SKAP2: variants seen among roughly 807,000 people sequenced by gnomAD.
The protein encoded by SKAP2 is src kinase associated phosphoprotein 2.
A neutral mutation model predicts 54.9 loss-of-function variants in SKAP2; 28 were observed. The observed-to-expected ratio is 0.51, with a 90% CI of 0.38 to 0.70. The LOEUF is 0.70. Among genes scored for constraint, SKAP2 ranks in the 30% least tolerant of loss-of-function variants. The pLI is 0.00. For missense variants in SKAP2, 356 were observed against 424.1 expected, an observed-to-expected ratio of 0.84 and a Z score of 1.41; for synonymous variants, 137 against 134.3, an observed-to-expected ratio of 1.02 and a Z score of -0.14.
At chr7:26,801,009 C>T (rs1783901001) in intron 4 of SKAP2, among the ~76,000 whole-genome samples, 1 of 151,810 alleles carries the variant, frequency 6.6e-6, no homozygotes, top group Admixed American at 6.6e-5. Flanking sequence ...GCCAGTATTA[C>T]TGATACCAAA....
At chr7:26,660,875 A>C in the SKAP2 span, among the ~76,000 whole-genome samples, 1 of 152,074 alleles carries the variant, frequency 6.6e-6, no homozygotes, top group African/African-American at 2.4e-5. Flanking sequence ...AGAAGTGCTA[A>C]GAATTAACTC....
chr7:26,773,818 T>C (rs181120298), intron 4 of SKAP2, among the ~76,000 whole-genome samples: 49 of 152,228 alleles, frequency 3.2e-4, no homozygotes, highest in Non-Finnish European at 6.0e-4. Context: ...ACAATAACCA[T>C]AAATATTATA....
chr7:26,844,703 C>T (rs1303745125), intron 3 of SKAP2, among the ~76,000 whole-genome samples: 1 of 152,054 alleles, frequency 6.6e-6, no homozygotes, highest in Non-Finnish European at 1.5e-5. Context: ...TTCCAGAGCA[C>T]AAATCTTTTA....
At chr7:26,771,904 T>C (rs1783198107) in intron 4 of SKAP2, among the ~76,000 whole-genome samples, 1 of 152,190 alleles carries the variant, frequency 6.6e-6, no homozygotes, top group South Asian at 2.1e-4. Flanking sequence ...GGTTTGGACA[T>C]AGGCAGGTAT....
chr7:26,864,211 CT>C (rs1483796363), intron 1 of SKAP2, 151 bp downstream of exon 1: 1 of 865,382 alleles, frequency 1.2e-6, no homozygotes, highest in Non-Finnish European at 1.8e-6. Context: ...AAAACAACCC[CT>C]CTCCTCTCCT....
At chr7:26,812,477 C>CA (rs986277817) in intron 4 of SKAP2, among the ~76,000 whole-genome samples, 176 of 150,338 alleles carry the variant, frequency 1.2e-3, no homozygotes, top group African/African-American at 3.0e-3. Flanking sequence ...GACAAAAATA[C>CA]AAAAAAAAAT....
chr7:26,814,856 T>TA (rs960423943), intron 4 of SKAP2, among the ~76,000 whole-genome samples: 1 of 152,086 alleles, frequency 6.6e-6, no homozygotes, highest in Non-Finnish European at 1.5e-5. Flanking sequence ...TTCAAGAGTT[T>TA]AAAAAAATTA....
In SKAP2 at chr7:26,708,257, T is replaced by C. The variant is rs139370458; in HGVS notation, c.796+17171A>G. The stretch of plus-strand genomic sequence containing the variant: ...CTCTTTGCTTTCACTGGGTGAAGGA[T>C]TGATCCCACGTGAATGTTTGCTGGG... On this transcript the variant is annotated intron_variant, in intron 9 of 12. Transcript: ENST00000345317. Among the ~76,000 whole-genome samples, 856 of 152,328 alleles carry C rather than the reference T, an allele frequency of 5.6e-3. 7 individuals carry two copies. The highest frequency in any genetic ancestry group is 0.016 in the African/African-American group (672 of 41,580).
chr7:26,775,733 C>T (rs761977219), intron 4 of SKAP2, among the ~76,000 whole-genome samples: 1 of 152,094 alleles, frequency 6.6e-6, no homozygotes, highest in Admixed American at 6.6e-5. Context: ...CTGTGTCCTC[C>T]ATTTCCATAA....
At chr7:26,834,350 G>C (rs1784662133) in intron 4 of SKAP2, among the ~76,000 whole-genome samples, 1 of 152,060 alleles carries the variant, frequency 6.6e-6, no homozygotes. Flanking sequence ...GATCAGAGCA[G>C]AACTGAAGGA....
At chr7:26,742,043 CT>C (rs1782466659) in intron 4 of SKAP2, among the ~76,000 whole-genome samples, 1 of 151,912 alleles carries the variant, frequency 6.6e-6, no homozygotes, top group Non-Finnish European at 1.5e-5. Context: ...ATTTTAATAG[CT>C]GTTCAATAAA....
At chr7:26,767,255 A>C (rs4722635) in intron 4 of SKAP2, among the ~76,000 whole-genome samples, 1 of 152,144 alleles carries the variant, frequency 6.6e-6, no homozygotes, top group East Asian at 1.9e-4. Context: ...TTTATTTGCA[A>C]GGAGGTGTTT....
rs1381757012 is a variant in SKAP2, at chr7:26,731,657, C to G, written c.470-4651G>C. ...AGGCTCATTGAATAGAAAGTGCCCA[C>G]AATGGAGATCATCTTATCCCCACTC... On this transcript the variant is annotated intron_variant, in intron 6 of 12. Coordinates refer to ENST00000345317, the MANE Select transcript of SKAP2 (RefSeq NM_003930.5). 3.9e-5 allele frequency among the ~76,000 whole-genome samples: 6 copies of G among 152,172 alleles called. No homozygotes were observed. In the South Asian group the frequency reaches 1.2e-3, roughly 32 times the overall value.
intron 4 of SKAP2, among the ~76,000 whole-genome samples, chr7:26,752,951 G>A (rs149717996): frequency 4.5e-4 from 69 of 152,276 alleles, no homozygotes; most frequent in Non-Finnish European, 8.4e-4. Context: ...TCTTCAGTAT[G>A]AACTGGTAAT....
At chr7:26,822,706 T>C (rs1298009906) in intron 4 of SKAP2, among the ~76,000 whole-genome samples, 3 of 149,696 alleles carry the variant, frequency 2.0e-5, no homozygotes, top group Non-Finnish European at 4.4e-5. Context: ...AAACCCCGTC[T>C]CTACTAAAAA....
At chr7:26,696,416 G>C (rs1786896515) in intron 9 of SKAP2, among the ~76,000 whole-genome samples, 1 of 152,132 alleles carries the variant, frequency 6.6e-6, no homozygotes, top group South Asian at 2.1e-4. Context: ...CTAATTCTTA[G>C]TGTCATCTCT....
intron 9 of SKAP2, among the ~76,000 whole-genome samples, chr7:26,710,932 A>T (rs186637306): frequency 6.6e-6 from 1 of 152,306 alleles, no homozygotes; most frequent in East Asian, 1.9e-4. Flanking sequence ...ATGATATTAT[A>T]ATACTATATT....
chr7:26,860,111 A>G (rs1785247862), intron 1 of SKAP2, among the ~76,000 whole-genome samples: 1 of 152,166 alleles, frequency 6.6e-6, no homozygotes, highest in South Asian at 2.1e-4. Flanking sequence ...TAATTTTTTA[A>G]TATGTTTAGA....
chr7:26,832,433 A>G (rs767517506), intron 4 of SKAP2, among the ~76,000 whole-genome samples: 1 of 152,220 alleles, frequency 6.6e-6, no homozygotes, highest in Non-Finnish European at 1.5e-5. Context: ...AAGTTTTAGG[A>G]TACAGCAGCC....
Sources: gnomAD v4.1 joint callset for allele counts (sites outside exome capture counted in the v4.1 genomes callset) on GRCh38, gnomAD v4.1.1 for gene constraint, MANE v1.5 for transcripts, NCBI Gene and HGNC (gene_info 2026-07-23, HGNC 2026-07-21) for gene names.